Variants in FLG observed in about 807,000 individuals in gnomAD.
FLG encodes the protein filaggrin.
In FLG, 6 loss-of-function variants were observed where a neutral mutation model predicts 3.8. That is an observed-to-expected ratio of 1.60 (90% CI 0.87 to 3.15). The LOEUF (loss-of-function observed/expected upper bound fraction) is 3.15. Ranked by LOEUF, FLG falls within the 30% of genes most tolerant of loss-of-function variation. The pLI is 0.00. For missense variants in FLG, 7,595 were observed against 5,050.9 expected, an observed-to-expected ratio of 1.50 and a Z score of -15.27; for synonymous variants, 2,551 against 1,931.6, an observed-to-expected ratio of 1.32 and a Z score of -8.41.
chr1:152,310,225 G>A lies in FLG; in HGVS notation c.4661C>T (p.Ser1554Phe), dbSNP rs765060843. 4 of 1,613,700 alleles carry A rather than the reference G, an allele frequency of 2.5e-6. No individual in the cohort carries two copies. The East Asian group carries it at 6.7e-5, about 27-fold the overall frequency. ...TRNEEQSGDGSRHSGSRHHEP... is the reference protein window; with the variant it reads ...TRNEEQSGDGFRHSGSRHHEP... ...ATGGTGACGTGACCCTGAGTGCCTG[G>A]AGCCGTCTCCTGATTGTTCCTCATT... The change falls in exon 3 of 3, where the codon TCC (serine) becomes TTC (phenylalanine). Residue 1554 changes from serine to phenylalanine, a missense_variant. Transcript: ENST00000368799.
rs751853597 is a variant in FLG at position 152,304,371 on chromosome 1, A to T, written c.10515T>A (p.His3505Gln). The change falls in exon 3 of 3, where the codon CAT (histidine) becomes CAA (glutamine). Residue 3505 changes from histidine (H) to glutamine (Q), a missense_variant. Coordinates refer to ENST00000368799, the MANE Select transcript of FLG (RefSeq NM_002016.2). ...CCGCCTGAGTGGAAGCTTCATGGTG[A>T]TGCGACCATGAGTGCCTGGAGCCAT... ...SGDGSRHSWS[H>Q]HHEASTQADS... The T allele has an allele frequency of 2.0e-5, 33 of 1,611,598 alleles. 1 individual carries two copies. Among genetic ancestry groups the T allele is most frequent in the African/African-American group, 6.7e-5 (5 of 74,802 alleles).
Position 152,308,821 on chromosome 1 carries a change from A to T in FLG, c.6065T>A (p.Ile2022Asn), listed in dbSNP as rs142592778. 1.9e-6 allele frequency: 3 copies of T among 1,613,934 alleles called. No individual in the cohort carries two copies. The highest frequency in any genetic ancestry group is 2.2e-5 in the South Asian group (2 of 91,046). Reference sequence around the variant, plus strand: ...TGCAGATGAAGCTTGTCCATGCCCAATGCCTGAGTGTCTGGAGCTGTCTGC... The same window carrying T: ...TGCAGATGAAGCTTGTCCATGCCCATTGCCTGAGTGTCTGGAGCTGTCTGC... ...QSADSSRHSG[I>N]GHGQASSAVR... Residue 2022 changes from isoleucine to asparagine, a missense_variant, in exon 3 of 3, where the codon ATT becomes AAT. Transcript: ENST00000368799.
At position 152,302,431 on chromosome 1, in the gene FLG, C is replaced by A. The variant is rs1341694221; in HGVS notation, c.*269G>T. 4.4e-6 allele frequency: 2 copies of A among 452,802 alleles called. No individual in the cohort carries two copies. Among genetic ancestry groups the A allele is most frequent in the South Asian group, 2.7e-5 (1 of 36,738 alleles). The allele number at this position is 452,802 out of a possible 1,614,324, so 28.0% of individuals were successfully genotyped here. A position where few individuals can be genotyped will look rare whatever the true frequency, so the allele number is the denominator to read the frequency against. On this transcript the variant is annotated 3_prime_UTR_variant, in exon 3 of 3. Coordinates refer to ENST00000368799, the MANE Select transcript of FLG (RefSeq NM_002016.2). Reference sequence around the variant, plus strand: ...TTCAAAAACATAAAACATTACTTGACCCAGAATCTCCTAAAATACTCCAGC... The same window carrying A: ...TTCAAAAACATAAAACATTACTTGAACCAGAATCTCCTAAAATACTCCAGC...
intron 1 of FLG, among the ~76,000 whole-genome samples, chr1:152,319,157 A>G (rs1297516767): frequency 6.6e-6 from 1 of 151,692 alleles, no homozygotes; most frequent in East Asian, 1.9e-4. Flanking sequence ...ATGATCTTCT[A>G]AATAAGGTGA....
At position 152,313,126 on chromosome 1, in the gene FLG, C is replaced by A; in HGVS notation, c.1760G>T (p.Arg587Leu). 6.2e-7 allele frequency: 1 copy of A among 1,613,812 alleles called. No homozygotes were observed. The change falls in exon 3 of 3, where the codon CGT becomes CTT. Residue 587 changes from arginine to leucine, a missense_variant. Arg to Leu is a moderately radical substitution (Grantham distance 102). Coordinates refer to ENST00000368799, the MANE Select transcript of FLG (RefSeq NM_002016.2). ...SGDGTRHSGSRHHEASSQADS... is the reference protein window; with the variant it reads ...SGDGTRHSGSLHHEASSQADS... The stretch of plus-strand genomic sequence containing the variant: ...AGCCTGAGAGGAAGCTTCATGATGA[C>A]GTGACCCTGAGTGCCTGGTGCCGTC...
Position 152,303,645 on chromosome 1 carries a change from C to T in FLG, c.11241G>A (p.Arg3747=), listed in dbSNP as rs917543147. 1.9e-6 allele frequency: 3 copies of T among 1,613,970 alleles called. No individual in the cohort carries two copies. The Admixed American group carries it at 5.0e-5, about 27-fold the overall frequency. ...SRHEQARDSS[R]HSASQEGQDT... Reference sequence around the variant, plus strand: ...CCTGACCCTCTTGGGACGCTGAGTGCCTGGAGCTGTCTCGTGCCTGCTCGT... The same window carrying T: ...CCTGACCCTCTTGGGACGCTGAGTGTCTGGAGCTGTCTCGTGCCTGCTCGT... Residue 3747 remains arginine, a synonymous_variant, in exon 3 of 3, where the codon AGG becomes AGA. Transcript: ENST00000368799.
rs186520508 is a variant in FLG, at chr1:152,313,163, C to T, written c.1723G>A (p.Glu575Lys). The change falls in exon 3 of 3, where the codon GAA (glutamate) becomes AAA (lysine). Residue 575 changes from glutamate (E) to lysine (K), a missense_variant. Glu to Lys is a moderately conservative substitution (Grantham distance 56). Coordinates refer to ENST00000368799, the MANE Select transcript of FLG (RefSeq NM_002016.2). ...RSASRQTRNE[E>K]QSGDGTRHSG... The stretch of plus-strand genomic sequence containing the variant: ...TGCCTGGTGCCGTCTCCTGATTGTT[C>T]CTCATTTCGTGTTTGTCTGCTTGCA... 7 of 1,613,774 alleles carry T rather than the reference C, an allele frequency of 4.3e-6. No individual in the cohort carries two copies. The East Asian group carries it at 1.1e-4, about 26-fold the overall frequency.
Position 152,312,814 on chromosome 1 carries a change from C to A in FLG, c.2072G>T (p.Gly691Val). ...CTGTTCATGGGATGACGCAGCCTGT[C>A]CACTAGAGGAATTCTGTGTGTGACG... Reference protein sequence around the residue: ...GTRHTQNSSSGQAASSHEQAR... With the variant: ...GTRHTQNSSSVQAASSHEQAR... The change falls in exon 3 of 3, where the codon GGA (glycine) becomes GTA (valine). Residue 691 changes from glycine to valine, a missense_variant. Physicochemically the swap from Gly to Val is moderately radical, Grantham distance 109. Transcript: ENST00000368799. 1 of 1,614,040 alleles carries A rather than the reference C, an allele frequency of 6.2e-7. No homozygotes were observed. The highest frequency in any genetic ancestry group is 8.5e-7 in the Non-Finnish European group (1 of 1,180,016).
In FLG at chr1:152,312,127, G is replaced by C. The variant is rs1245523740; in HGVS notation, c.2759C>G (p.Ala920Gly). 1.3e-6 allele frequency: 2 copies of C among 1,598,908 alleles called. No homozygotes were observed. Among genetic ancestry groups the C allele is most frequent in the East Asian group, 2.3e-5 (1 of 44,202 alleles). ...GSRHHEASSH[A>G]DISRHSQAGQ... The stretch of plus-strand genomic sequence containing the variant: ...TGCCTGTGAGTGTCTAGAGATGTCG[G>C]CATGAGAGGAAGCTTCATGGTGACG... Residue 920 changes from alanine (A) to glycine (G), a missense_variant, in exon 3 of 3, where the codon GCC becomes GGC. Transcript: ENST00000368799.
Position 152,312,906 on chromosome 1 carries a change from G to C in FLG, c.1980C>G (p.Pro660=), listed in dbSNP as rs371589282. The change falls in exon 3 of 3, where the codon CCC becomes CCG. Residue 660 remains proline (P), a synonymous_variant. Transcript: ENST00000368799. ...CAGCTCTGTCTTCGTGATGGGACCT[G>C]GGGTGTCTGGAGCCATCTCTTGACT... ...QEQSRDGSRH[P]RSHHEDRAGH... 17 of 1,613,874 alleles carry C rather than the reference G, an allele frequency of 1.1e-5. No homozygotes were observed. Among genetic ancestry groups the C allele is most frequent in the Non-Finnish European group, 1.4e-5 (16 of 1,180,022 alleles).
In FLG at chr1:152,312,115, C is replaced by T; in HGVS notation, c.2771G>A (p.Arg924Lys). Residue 924 changes from arginine (R) to lysine (K), a missense_variant, in exon 3 of 3, where the codon AGA (arginine) becomes AAA (lysine). Arg to Lys is a conservative substitution (Grantham distance 26). Coordinates refer to ENST00000368799, the MANE Select transcript of FLG (RefSeq NM_002016.2). ...TTGTCCCTGGCCTGCCTGTGAGTGT[C>T]TAGAGATGTCGGCATGAGAGGAAGC... ...HEASSHADIS[R>K]HSQAGQGQSE... 1 of 1,614,108 alleles carries T rather than the reference C, an allele frequency of 6.2e-7. No homozygotes were observed. Among genetic ancestry groups the T allele is most frequent in the Non-Finnish European group, 8.5e-7 (1 of 1,180,020 alleles).
In FLG at chr1:152,313,068, T is replaced by A; in HGVS notation, c.1818A>T (p.Gly606=). The A allele has an allele frequency of 6.2e-7, 1 of 1,613,958 alleles. No homozygotes were observed. Among genetic ancestry groups the A allele is most frequent in the South Asian group, 1.1e-5 (1 of 91,072 alleles). ...TACTTGTCCTGGGCCCCGATGATTG[T>A]CCCTGGCCCACCTGTGAGTGTCTAG... ...DSSRHSQVGQ[G]QSSGPRTSRN... The change falls in exon 3 of 3, where the codon GGA becomes GGT. Residue 606 remains glycine, a synonymous_variant. Coordinates refer to ENST00000368799, the MANE Select transcript of FLG (RefSeq NM_002016.2).
rs761046630 is a variant in FLG, at chr1:152,310,553, C to A, written c.4333G>T (p.Val1445Leu). The change falls in exon 3 of 3, where the codon GTG becomes TTG. Residue 1445 changes from valine (V) to leucine (L), a missense_variant. Coordinates refer to ENST00000368799, the MANE Select transcript of FLG (RefSeq NM_002016.2). ...GACTCAGACTGTTCATGAGAGCTCA[C>A]CTGGTAGAGGAAAGACCTTGAACGT... is the stretch of plus-strand genomic sequence containing the variant. ...SGRSRSFLYQ[V>L]SSHEQSESTH... The A allele has an allele frequency of 1.9e-6, 3 of 1,613,640 alleles. No individual in the cohort carries two copies. Among genetic ancestry groups the A allele is most frequent in the Admixed American group, 1.7e-5 (1 of 59,970 alleles).
In FLG at chr1:152,310,873, GA is replaced by G; in HGVS notation, c.4012del (p.Ser1338LeufsTer108). Reference protein sequence around the residue: ...QSGTHHTESSSHGQAVSSHEQ... With the variant: ...QSGTHHTESSXHGQAVSSHEQ... ...ATGGGATGACACAGCCTGTCCATGA[GA>G]GGAAGACTCTGTGTGATGAGTGCCT... On this transcript the variant is annotated frameshift_variant, in exon 3 of 3. Coordinates refer to ENST00000368799, the MANE Select transcript of FLG (RefSeq NM_002016.2). LOFTEE classifies it low-confidence loss of function (END_TRUNC). 1 of 1,614,060 alleles carries G rather than the reference GA, an allele frequency of 6.2e-7. No individual in the cohort carries two copies. The highest frequency in any genetic ancestry group is 8.5e-7 in the Non-Finnish European group (1 of 1,179,996).
rs1298550726 is a variant in FLG at position 152,313,952 on chromosome 1, T to C, written c.934A>G (p.Arg312Gly). 1 of 1,613,996 alleles carries C rather than the reference T, an allele frequency of 6.2e-7. No individual in the cohort carries two copies. Among genetic ancestry groups the C allele is most frequent in the Non-Finnish European group, 8.5e-7 (1 of 1,180,014 alleles). Residue 312 changes from arginine to glycine, a missense_variant, in exon 3 of 3, where the codon AGG (arginine) becomes GGG (glycine). Transcript: ENST00000368799. ...TTTCTGGAAGCCGACCCAGAGTGCC[T>C]CTCAGAGTCTTCTGAGTGTCCCTCA... ...DSEGHSEDSE[R>G]HSGSASRNHH... is the part of the protein sequence containing the mutation.
In FLG at chr1:152,311,539, G is replaced by C. The variant is rs999550094; in HGVS notation, c.3347C>G (p.Ser1116Cys). ...ATGAGTGCTCACCTGGTAGATGAAA[G>C]ACCCTGAACGTCCAGACCTTCCCCC... ...WSGGRSGRSG[S>C]FIYQVSTHEQ... The change falls in exon 3 of 3, where the codon TCT becomes TGT. Residue 1116 changes from serine to cysteine, a missense_variant. Physicochemically the swap from Ser to Cys is moderately radical, Grantham distance 112. Coordinates refer to ENST00000368799, the MANE Select transcript of FLG (RefSeq NM_002016.2). 1 of 1,613,924 alleles carries C rather than the reference G, an allele frequency of 6.2e-7. No individual in the cohort carries two copies. The highest frequency in any genetic ancestry group is 2.2e-5 in the East Asian group (1 of 44,798).
At position 152,303,211 on chromosome 1, in the gene FLG, C is replaced by T. The variant is rs372348813; in HGVS notation, c.11675G>A (p.Arg3892Gln). 7.2e-5 allele frequency: 116 copies of T among 1,613,954 alleles called. 1 individual carries two copies. The highest frequency in any genetic ancestry group is 2.9e-4 in the East Asian group (13 of 44,870). ...SASRNHHGSS[R>Q]EQSRDGSRHP... is the part of the protein sequence containing the mutation. ...TCTGGAGCCATCTCTTGACTGCTCC[C>T]GAGAAGATCCATGATGGTTTCTGGA... Residue 3892 changes from arginine (R) to glutamine (Q), a missense_variant, in exon 3 of 3, where the codon CGG (arginine) becomes CAG (glutamine). By Grantham distance (43) the Arg-to-Gln change is conservative (BLOSUM62 1). Transcript: ENST00000368799.
rs141337128 is a variant in FLG, at chr1:152,310,256, T to C, written c.4630A>G (p.Thr1544Ala). 5.6e-5 allele frequency: 91 copies of C among 1,613,760 alleles called. No individual in the cohort carries two copies. The African/African-American group carries it at 1.1e-3, about 20-fold the overall frequency. The change falls in exon 3 of 3, where the codon ACA becomes GCA. Residue 1544 changes from threonine to alanine, a missense_variant. Physicochemically the swap from Thr to Ala is moderately conservative, Grantham distance 58 (BLOSUM62 0). Transcript: ENST00000368799. ...TCTCCTGATTGTTCCTCATTTCTTGTTTGCCTGCTTGCACTTCTGGGTCCT... is the reference window on the plus strand; with the variant it reads ...TCTCCTGATTGTTCCTCATTTCTTGCTTGCCTGCTTGCACTTCTGGGTCCT... ...QSGPRSASRQTRNEEQSGDGS... is the reference protein window; with the variant it reads ...QSGPRSASRQARNEEQSGDGS...
In FLG at chr1:152,308,154, G is replaced by C. The variant is rs150022882; in HGVS notation, c.6732C>G (p.Ser2244Arg). The stretch of plus-strand genomic sequence containing the variant: ...AGTGTCCCTCACTGTCACTGTCCTG[G>C]CTAACACTGGATCCCCGGGGCCTGC... ...RTSRPRGSSV[S>R]QDSDSEGHSE... The change falls in exon 3 of 3, where the codon AGC (serine) becomes AGG (arginine). Residue 2244 changes from serine to arginine, a missense_variant. Coordinates refer to ENST00000368799, the MANE Select transcript of FLG (RefSeq NM_002016.2). 6.2e-7 allele frequency: 1 copy of C among 1,613,750 alleles called. No individual in the cohort carries two copies. The highest frequency in any genetic ancestry group is 8.5e-7 in the Non-Finnish European group (1 of 1,179,940).
Sources: allele counts gnomAD v4.1 joint callset (sites outside exome capture counted in the v4.1 genomes callset), GRCh38; gene constraint gnomAD v4.1.1; transcripts MANE v1.5; gene names NCBI Gene and HGNC (gene_info 2026-07-23, HGNC 2026-07-21).